The following PCDHGB1 variants were observed in gnomAD, a reference collection of about 807,000 sequenced individuals.
PCDHGB1 encodes protocadherin gamma subfamily B, 1.
In PCDHGB1, 34 loss-of-function variants were observed where a neutral mutation model predicts 56.6. The ratio of observed to expected loss-of-function variants is 0.60; its 90% CI spans 0.46 to 0.80. The LOEUF (loss-of-function observed/expected upper bound fraction) is 0.80. PCDHGB1 is among the 30% of genes least tolerant of loss of function. The probability of loss-of-function intolerance (pLI) is 0.00; values close to 1 mark genes in which losing one functional copy is unlikely to be tolerated. For synonymous variants in PCDHGB1, 561 were observed against 505.9 expected (o/e 1.11, Z -1.46); for missense variants, 1,278 against 1,204.6 (o/e 1.06, Z -0.90).
At chr5:141,375,620 A>T in intron 1 of PCDHGB1, 1 of 1,614,156 alleles carries the variant, frequency 6.2e-7, no homozygotes, top group African/African-American at 1.3e-5. Flanking sequence ...CGACACTGGG[A>T]TTCTGTACGC....
Position 141,490,970 on chromosome 5 carries a change from A to G in PCDHGB1, c.2410-3837A>G. ...CCAGACTGGGAACACTCAGCCCCCC[A>G]GCGTCTCCCTCGCTCTGCTCCTCCT... On this transcript the variant is annotated intron_variant, in intron 1 of 3. Coordinates refer to ENST00000523390, the MANE Select transcript of PCDHGB1 (RefSeq NM_018922.3). This position sits in a 1 kb window ranked among gnomAD's most constrained non-coding sequence, Gnocchi z 5.4. 1 of 1,613,858 alleles carries G rather than the reference A, an allele frequency of 6.2e-7. No individual in the cohort carries two copies. Among genetic ancestry groups the G allele is most frequent in the South Asian group, 1.1e-5 (1 of 91,062 alleles).
chr5:141,446,639 G>C (rs1461520959), intron 1 of PCDHGB1, among the ~76,000 whole-genome samples: 1 of 152,116 alleles, frequency 6.6e-6, no homozygotes, highest in Non-Finnish European at 1.5e-5. Context: ...ACCACGCCTG[G>C]CTAATTTTTG....
intron 1 of PCDHGB1, chr5:141,428,113 T>A: frequency 6.2e-7 from 1 of 1,607,492 alleles, no homozygotes; most frequent in Non-Finnish European, 8.5e-7. Flanking sequence ...CTGCAGGCCA[T>A]CGAGCCCGGG....
At chr5:141,390,867 C>CATGT in intron 1 of PCDHGB1, 1 of 151,040 alleles carries the variant, frequency 6.6e-6, no homozygotes, top group East Asian at 1.9e-4. Flanking sequence ...GCTGTGTGTG[C>CATGT]GTGTGTGTGT....
rs773893751 is a variant in PCDHGB1 at position 141,431,903 on chromosome 5, G to A, written c.2410-62904G>A. 2 of 1,613,916 alleles carry A rather than the reference G, an allele frequency of 1.2e-6. No individual in the cohort carries two copies. Among genetic ancestry groups the A allele is most frequent in the South Asian group, 2.2e-5 (2 of 91,080 alleles). ...CCAAGATTCTGAGGAAAACGGACAG[G>A]TGATCTGTTTCATCCAAGGAAATCT... On this transcript the variant is annotated intron_variant, in intron 1 of 3. Transcript: ENST00000523390. The surrounding 1 kb of genome is among the most constrained non-coding windows in gnomAD (Gnocchi z 4.8).
intron 1 of PCDHGB1, among the ~76,000 whole-genome samples, chr5:141,464,261 T>TC (rs2099079163): frequency 1.5e-5 from 2 of 137,096 alleles, no homozygotes; most frequent in African/African-American, 2.9e-5. Flanking sequence ...CGAGACTCCG[T>TC]CTAAAAAAAA....
intron 1 of PCDHGB1, among the ~76,000 whole-genome samples, chr5:141,448,581 T>A (rs570781751): frequency 2.0e-5 from 3 of 152,274 alleles, no homozygotes; most frequent in African/African-American, 7.2e-5. Context: ...CCATTTTTTT[T>A]ACAAAAAGAT....
intron 1 of PCDHGB1, chr5:141,365,288 G>A (rs1293975471): frequency 6.2e-7 from 1 of 1,613,960 alleles, no homozygotes; most frequent in Non-Finnish European, 8.5e-7. Context: ...CATGGAAGTG[G>A]TAGCTCAGGA....
chr5:141,413,649 C>G, intron 1 of PCDHGB1: 1 of 1,613,836 alleles, frequency 6.2e-7, no homozygotes, highest in South Asian at 1.1e-5. Flanking sequence ...GTTTTCCTCT[C>G]CCGGAAGCTA....
chr5:141,447,533 G>T (rs2098541881), intron 1 of PCDHGB1, among the ~76,000 whole-genome samples: 1 of 152,120 alleles, frequency 6.6e-6, no homozygotes, highest in South Asian at 2.1e-4. Flanking sequence ...CAAAATTGTT[G>T]GGTTTTAATG....
chr5:141,509,882 G>A (rs1374735632), intron 3 of PCDHGB1, among the ~76,000 whole-genome samples: 1 of 152,182 alleles, frequency 6.6e-6, no homozygotes. Context: ...GGTGGTGATG[G>A]TGACTGACTG....
chr5:141,360,825 C>T, intron 1 of PCDHGB1: 1 of 1,613,960 alleles, frequency 6.2e-7, no homozygotes, highest in South Asian at 1.1e-5. Context: ...AAATCCGAAT[C>T]AAAGTCACGG....
rs1458644316 is a variant in PCDHGB1 at position 141,372,571 on chromosome 5, A to G, written c.2409+19902A>G. 1.9e-6 allele frequency: 3 copies of G among 1,613,904 alleles called. No individual in the cohort carries two copies. In the Admixed American group the frequency reaches 5.0e-5, roughly 27 times the overall value. ...TCCTCCAGACCCGCCACTGAGGGCT[A>G]CTTTCAGCCTGGTGTCTGCTTCAAG... On this transcript the variant is annotated intron_variant, in intron 1 of 3. Transcript: ENST00000523390.
intron 1 of PCDHGB1, among the ~76,000 whole-genome samples, chr5:141,444,476 C>A (rs1228271706): frequency 6.6e-6 from 1 of 152,088 alleles, no homozygotes; most frequent in Non-Finnish European, 1.5e-5. Flanking sequence ...CGGTCGCGTA[C>A]TGGATTTATA....
At chr5:141,365,639 C>T (rs1764033148) in intron 1 of PCDHGB1, 2 of 1,613,492 alleles carry the variant, frequency 1.2e-6, no homozygotes, top group Admixed American at 3.3e-5. Context: ...TACAGAAAGC[C>T]ACATCCCCTT....
At chr5:141,444,299 G>A (rs1017908182) in intron 1 of PCDHGB1, among the ~76,000 whole-genome samples, 20 of 150,672 alleles carry the variant, frequency 1.3e-4, no homozygotes, top group Non-Finnish European at 2.7e-4. Context: ...AGCCTCCCTA[G>A]TAGCTAGGAT....
intron 1 of PCDHGB1, among the ~76,000 whole-genome samples, chr5:141,425,869 C>T (rs1376765137): frequency 2.0e-5 from 3 of 152,198 alleles, no homozygotes. Context: ...TATAGATTCC[C>T]ATCTCTAAGG....
intron 1 of PCDHGB1, chr5:141,356,020 A>G: frequency 6.2e-7 from 1 of 1,613,996 alleles, no homozygotes; most frequent in East Asian, 2.2e-5. Context: ...TGAAGGAGCC[A>G]ATGGAGACGT....
chr5:141,350,999 A>C lies in PCDHGB1; in HGVS notation c.739A>C (p.Ser247Arg). The C allele has an allele frequency of 6.2e-7, 1 of 1,614,076 alleles. No individual in the cohort carries two copies. Among genetic ancestry groups the C allele is most frequent in the Non-Finnish European group, 8.5e-7 (1 of 1,179,892 alleles). Residue 247 changes from serine to arginine, a missense_variant, in exon 1 of 4, where the codon AGC becomes CGC. By Grantham distance (110) the Ser-to-Arg change is moderately radical. Coordinates refer to ENST00000523390, the MANE Select transcript of PCDHGB1 (RefSeq NM_018922.3). ...PVFSQEVYRVSLQENVPWGTS... is the reference protein window; with the variant it reads ...PVFSQEVYRVRLQENVPWGTS... Reference sequence around the variant, plus strand: ...GTTTAGCCAGGAGGTATACAGGGTTAGCCTCCAAGAAAACGTACCGTGGGG... The same window carrying C: ...GTTTAGCCAGGAGGTATACAGGGTTCGCCTCCAAGAAAACGTACCGTGGGG...
Sources: allele counts gnomAD v4.1 joint callset (sites outside exome capture counted in the v4.1 genomes callset), GRCh38; gene constraint gnomAD v4.1.1; non-coding constraint Gnocchi (gnomAD v3.1); transcripts MANE v1.5; gene names NCBI Gene and HGNC (gene_info 2026-07-23, HGNC 2026-07-21).